ZMAT4: variants seen among roughly 807,000 people sequenced by gnomAD.
The protein encoded by ZMAT4 is zinc finger matrin-type 4.
Under a neutral mutation model 28.7 loss-of-function variants are expected in ZMAT4, and 17 were observed. The ratio of observed to expected loss-of-function variants is 0.59; its 90% CI spans 0.41 to 0.89. The LOEUF (loss-of-function observed/expected upper bound fraction) is 0.89. ZMAT4 is among the 40% of genes least tolerant of loss of function. The pLI, the probability that ZMAT4 is intolerant of heterozygous loss-of-function variation, is 0.00. For synonymous variants in ZMAT4, 117 were observed against 109.2 expected, an observed-to-expected ratio of 1.07 and a Z score of -0.44; for missense variants, 240 against 283.8, an observed-to-expected ratio of 0.85 and a Z score of 1.11.
intron 6 of ZMAT4, among the ~76,000 whole-genome samples, chr8:40,575,260 T>G (rs1006558378): frequency 6.6e-6 from 1 of 152,088 alleles, no homozygotes; most frequent in Non-Finnish European, 1.5e-5. Flanking sequence ...GTCCCTGAAT[T>G]GCTGAGCCAC....
Position 40,532,034 on chromosome 8 carries a change from A to T in ZMAT4, c.*189T>A, listed in dbSNP as rs1440288536. On this transcript the variant is annotated 3_prime_UTR_variant, in exon 7 of 7. Coordinates refer to ENST00000297737, the MANE Select transcript of ZMAT4 (RefSeq NM_024645.3). ...AAATATCATAACTTACCCCAAAATT[A>T]AAAAAAGGAAAAAGAAAAAAGAAAC... 5 of 434,058 alleles carry T rather than the reference A, an allele frequency of 1.2e-5. No individual in the cohort carries two copies. Among genetic ancestry groups the T allele is most frequent in the East Asian group, 1.1e-4 (3 of 27,626 alleles). 26.9% of individuals were successfully genotyped at this position (434,058 alleles called of 1,614,324 possible).
intron 4 of ZMAT4, among the ~76,000 whole-genome samples, chr8:40,681,896 T>C (rs145379001): frequency 7.9e-5 from 12 of 152,128 alleles, no homozygotes; most frequent in Admixed American, 2.6e-4. Context: ...AAAAAAGATA[T>C]GTTTTAGAAA....
chr8:40,836,564 T>A (rs1816496996), intron 1 of ZMAT4, among the ~76,000 whole-genome samples: 1 of 152,148 alleles, frequency 6.6e-6, no homozygotes, highest in African/African-American at 2.4e-5. Flanking sequence ...CAAACCAGAA[T>A]ACAGACGAAT....
chr8:40,744,074 G>T (rs934335544), intron 3 of ZMAT4, among the ~76,000 whole-genome samples: 1 of 152,204 alleles, frequency 6.6e-6, no homozygotes, highest in African/African-American at 2.4e-5. Context: ...GCCCAGCACT[G>T]AGCCCAGAAA....
chr8:40,566,992 A>G (rs1803943862), intron 6 of ZMAT4, among the ~76,000 whole-genome samples: 2 of 152,176 alleles, frequency 1.3e-5, no homozygotes, highest in Admixed American at 1.3e-4. Flanking sequence ...TTAGAATATA[A>G]ATCAGTTCAG....
intron 5 of ZMAT4, among the ~76,000 whole-genome samples, chr8:40,643,921 A>G (rs1482121319): frequency 6.6e-6 from 1 of 152,182 alleles, no homozygotes; most frequent in East Asian, 1.9e-4. Flanking sequence ...GTGAAGCTGG[A>G]GAGGAAAATA....
At chr8:40,732,834 CTTT>C (rs11461186) in intron 3 of ZMAT4, among the ~76,000 whole-genome samples, 5 of 67,076 alleles carry the variant, frequency 7.5e-5, no homozygotes, top group African/African-American at 1.7e-4. Flanking sequence ...GCAAGACCTC[CTTT>C]TTTTTTTTTT....
chr8:40,611,624 G>A (rs1021292286), intron 5 of ZMAT4, among the ~76,000 whole-genome samples: 2 of 152,208 alleles, frequency 1.3e-5, no homozygotes, highest in Non-Finnish European at 2.9e-5. Context: ...ACAGGCGTGA[G>A]CCATCGCACC....
chr8:40,881,020 C>T (rs1275988649), intron 1 of ZMAT4, among the ~76,000 whole-genome samples: 5 of 152,224 alleles, frequency 3.3e-5, no homozygotes, highest in South Asian at 2.1e-4. Flanking sequence ...AAACTGGTTT[C>T]GTCTAACCTC....
In ZMAT4 at chr8:40,531,928, A is replaced by C. The variant is rs1232591503; in HGVS notation, c.*295T>G. 3.4e-6 allele frequency: 1 copy of C among 290,694 alleles called. No individual in the cohort carries two copies. Among genetic ancestry groups the C allele is most frequent in the Non-Finnish European group, 6.3e-6 (1 of 158,734 alleles). The allele number at this position is 290,694 out of a possible 1,614,324, so 18.0% of individuals were successfully genotyped here. ...AATTTTTCCACTTTCAGTTTGAATA[A>C]TGCTCCAACTGTTTGCTATAGGATT... On this transcript the variant is annotated 3_prime_UTR_variant, in exon 7 of 7. Coordinates refer to ENST00000297737, the MANE Select transcript of ZMAT4 (RefSeq NM_024645.3).
chr8:40,650,315 A>T (rs1563387969), intron 5 of ZMAT4, among the ~76,000 whole-genome samples: 1 of 151,566 alleles, frequency 6.6e-6, no homozygotes, highest in Non-Finnish European at 1.5e-5. Context: ...CAAATAAACT[A>T]GAAAATCTAG....
chr8:40,596,149 T>G (rs1331257375), intron 5 of ZMAT4, among the ~76,000 whole-genome samples: 1 of 152,026 alleles, frequency 6.6e-6, no homozygotes, highest in Non-Finnish European at 1.5e-5. Context: ...AATAGTACAT[T>G]GTATGGGGCA....
chr8:40,697,322 T>A lies in ZMAT4; in HGVS notation c.272A>T (p.Asp91Val). ...NMSFTSAVVADSHYQGKIHAK... is the reference protein window; with the variant it reads ...NMSFTSAVVAVSHYQGKIHAK... ...GTGGATTTTGCCTTGATAATGGGAA[T>A]CGGCCACCACCGCTGAAGTGAATGA... Residue 91 changes from aspartate to valine, a missense_variant, in exon 4 of 7, where the codon GAT (aspartate) becomes GTT (valine). Physicochemically the swap from Asp to Val is radical, Grantham distance 152. Transcript: ENST00000297737. 1 of 1,613,796 alleles carries A rather than the reference T, an allele frequency of 6.2e-7. No individual in the cohort carries two copies. The highest frequency in any genetic ancestry group is 8.5e-7 in the Non-Finnish European group (1 of 1,179,870).
intron 3 of ZMAT4, among the ~76,000 whole-genome samples, chr8:40,761,069 C>T (rs1812917993): frequency 6.6e-6 from 1 of 150,836 alleles, no homozygotes; most frequent in Non-Finnish European, 1.5e-5. Flanking sequence ...GGCAGTGGGG[C>T]AGGGGGGGAT....
chr8:40,601,625 A>AGAAAGAAAGAAG (rs1805359445), intron 5 of ZMAT4, among the ~76,000 whole-genome samples: 1 of 25,690 alleles, frequency 3.9e-5, no homozygotes, highest in African/African-American at 1.0e-4. Flanking sequence ...AAAGAAAGAA[A>AGAAAGAAAGAAG]GAAAGAAAGA....
At chr8:40,695,230 C>T (rs1809828405) in intron 4 of ZMAT4, among the ~76,000 whole-genome samples, 1 of 152,216 alleles carries the variant, frequency 6.6e-6, no homozygotes, top group Non-Finnish European at 1.5e-5. Flanking sequence ...TCATGTCTGA[C>T]TACTTGCTCC....
intron 3 of ZMAT4, among the ~76,000 whole-genome samples, chr8:40,710,315 T>G (rs892479108): frequency 2.0e-5 from 3 of 152,188 alleles, no homozygotes; most frequent in Non-Finnish European, 4.4e-5. Context: ...TTGGATAAAG[T>G]ATATCAATAA....
chr8:40,772,027 A>G (rs1486614540), intron 2 of ZMAT4, among the ~76,000 whole-genome samples: 1 of 152,212 alleles, frequency 6.6e-6, no homozygotes, highest in Non-Finnish European at 1.5e-5. Context: ...CAGGGGGAAA[A>G]AAAGAACCAT....
intron 6 of ZMAT4, among the ~76,000 whole-genome samples, chr8:40,557,477 G>A (rs531214136): frequency 1.6e-4 from 25 of 152,096 alleles, no homozygotes; most frequent in South Asian, 1.5e-3. Context: ...GCAAGTGTCC[G>A]TCTTAAACAT....
Sources: gnomAD v4.1 joint callset for allele counts (sites outside exome capture counted in the v4.1 genomes callset) on GRCh38, gnomAD v4.1.1 for gene constraint, MANE v1.5 for transcripts, NCBI Gene and HGNC (gene_info 2026-07-23, HGNC 2026-07-21) for gene names.